SEC22C: variants seen among roughly 807,000 people sequenced by gnomAD.
SEC22C encodes the protein SEC22 homolog C, vesicle trafficking protein, also known as vesicle-trafficking protein SEC22c.
In SEC22C, 29 loss-of-function variants were observed where a neutral mutation model predicts 34.7. That is an observed-to-expected ratio of 0.84 (90% CI 0.62 to 1.14). The LOEUF (loss-of-function observed/expected upper bound fraction) is 1.14, where lower values mean the gene tolerates loss of function less well. Among genes scored for constraint, SEC22C ranks in the 50% most tolerant of loss-of-function variants. The probability of loss-of-function intolerance (pLI) is 0.00; values close to 1 mark genes in which losing one functional copy is unlikely to be tolerated. For synonymous variants in SEC22C, 117 were observed against 132.8 expected, an observed-to-expected ratio of 0.88 and a Z score of 0.82; for missense variants, 337 against 369.0, an observed-to-expected ratio of 0.91 and a Z score of 0.71.
At chr3:42,575,918 T>C (rs545840305) in intron 1 of SEC22C, among the ~76,000 whole-genome samples, 104 of 152,276 alleles carry the variant, frequency 6.8e-4, no homozygotes, top group African/African-American at 2.3e-3. Flanking sequence ...GACAGGAGTT[T>C]AAGTCAAGAA....
Position 42,548,821 on chromosome 3 carries a change from C to T in SEC22C, c.*4427G>A. The T allele has an allele frequency of 2.1e-6, 3 of 1,435,414 alleles. No individual in the cohort carries two copies. Among genetic ancestry groups the T allele is most frequent in the South Asian group, 3.0e-5 (2 of 67,106 alleles). 88.9% of individuals were successfully genotyped at this position (1,435,414 alleles called of 1,614,324 possible). ...TTTTTGTAAAGGCCAGAAGAAATGG[C>T]TGTGCTGTGCTGCCTGAAGCAGAAA... On this transcript the variant is annotated 3_prime_UTR_variant, in exon 7 of 7. Coordinates refer to ENST00000264454, the MANE Select transcript of SEC22C (RefSeq NM_032970.4).
chr3:42,579,607 C>CAAAAAAAAAAA (rs1279147159), intron 1 of SEC22C: 1 of 85,768 alleles, frequency 1.2e-5, no homozygotes, highest in Non-Finnish European at 2.7e-5. Context: ...TCTCAAAAAA[C>CAAAAAAAAAAA]AAAAAAAAAA....
rs1469831070 is a variant in SEC22C, at chr3:42,563,898, T to C, written c.183-212A>G. 7 of 1,448,270 alleles carry C rather than the reference T, an allele frequency of 4.8e-6. No homozygotes were observed. The Admixed American group carries it at 1.5e-4, about 30-fold the overall frequency. The allele number at this position is 1,448,270 out of a possible 1,614,324, so 89.7% of individuals were successfully genotyped here. On this transcript the variant is annotated intron_variant, in intron 2 of 6. Transcript: ENST00000264454. ...TAAAATGTCTAGTAGTCTTAATCAA[T>C]GACAGCCTGTGATCACTCTTATTTA...
At chr3:42,562,789 G>A (rs929497542) in intron 3 of SEC22C, among the ~76,000 whole-genome samples, 5 of 152,188 alleles carry the variant, frequency 3.3e-5, no homozygotes, top group African/African-American at 1.2e-4. Flanking sequence ...ATTATGCTGT[G>A]TTCCAAAGTC....
intron 1 of SEC22C, chr3:42,591,263 A>C (rs1704828048): frequency 1.8e-6 from 1 of 564,660 alleles, no homozygotes. Context: ...GCAGTGGTGC[A>C]TCTTGGCTCA....
chr3:42,590,883 C>T (rs767398659), intron 1 of SEC22C: 2 of 1,549,172 alleles, frequency 1.3e-6, no homozygotes, highest in East Asian at 2.6e-5. Context: ...GTCGTGGTTC[C>T]GGAGGTTCCT....
At chr3:42,560,172 TTATATATAATATATATATTATATATATAA>T (rs1204132909) in intron 4 of SEC22C, among the ~76,000 whole-genome samples, 1 of 145,482 alleles carries the variant, frequency 6.9e-6, no homozygotes, top group Non-Finnish European at 1.5e-5. Flanking sequence ...TATATATATT[TTATATATAATATATATATTATATATATAA>T]TATATATAAT....
At chr3:42,571,808 T>C (rs1358360461) in intron 1 of SEC22C, among the ~76,000 whole-genome samples, 1 of 152,198 alleles carries the variant, frequency 6.6e-6, no homozygotes, top group African/African-American at 2.4e-5. Context: ...GGACATTATA[T>C]ATAAAATAAA....
chr3:42,577,915 C>T (rs759128160), intron 1 of SEC22C, among the ~76,000 whole-genome samples: 8 of 151,672 alleles, frequency 5.3e-5, no homozygotes, highest in South Asian at 4.2e-4. Flanking sequence ...GGTTGCAGTG[C>T]GCCAAGACTG....
intron 1 of SEC22C, among the ~76,000 whole-genome samples, chr3:42,594,088 T>A (rs1340252240): frequency 6.6e-6 from 1 of 152,200 alleles, no homozygotes; most frequent in Non-Finnish European, 1.5e-5. Flanking sequence ...AGGTTTTGAA[T>A]AGACATATAA....
At chr3:42,590,598 A>G (rs1228414861) in intron 1 of SEC22C, among the ~76,000 whole-genome samples, 2 of 151,692 alleles carry the variant, frequency 1.3e-5, no homozygotes, top group Non-Finnish European at 2.9e-5. Context: ...AAAAAAAAAA[A>G]GCATGCACAG....
intron 1 of SEC22C, among the ~76,000 whole-genome samples, chr3:42,588,039 C>G (rs372225487): frequency 8.5e-4 from 129 of 151,882 alleles, no homozygotes; most frequent in African/African-American, 3.0e-3. Flanking sequence ...CACCATTGCA[C>G]TCCAGCCTGG....
At position 42,555,341 on chromosome 3, in the gene SEC22C, C is replaced by T. The variant is rs188378822; in HGVS notation, c.711+589G>A. 3.4e-3 allele frequency among the ~76,000 whole-genome samples: 467 copies of T among 138,106 alleles called. 1 individual carries two copies. Among genetic ancestry groups the T allele is most frequent in the African/African-American group, 0.012 (430 of 34,482 alleles). 90.6% of individuals were successfully genotyped at this position (138,106 alleles called of 152,430 possible). ...CAGCCTGGGCAACAGTGCAAGACTCCGTCTCAAAAAAAAAAAAGAAAAAAA... is the reference window on the plus strand; with the variant it reads ...CAGCCTGGGCAACAGTGCAAGACTCTGTCTCAAAAAAAAAAAAGAAAAAAA... On this transcript the variant is annotated intron_variant, in intron 6 of 6. Transcript: ENST00000264454.
chr3:42,579,279 A>G (rs762488959), intron 1 of SEC22C, among the ~76,000 whole-genome samples: 2 of 151,398 alleles, frequency 1.3e-5, no homozygotes, highest in African/African-American at 2.4e-5. Flanking sequence ...CTCCATCTCA[A>G]AACAAAACAA....
chr3:42,600,714 T>C (rs1705295730), intron 1 of SEC22C: 1 of 267,164 alleles, frequency 3.7e-6, no homozygotes, highest in African/African-American at 2.2e-5. Flanking sequence ...GCGTTGGGGT[T>C]TGGCTGCAGT....
At chr3:42,565,586 T>C (rs1250163691) in intron 2 of SEC22C, among the ~76,000 whole-genome samples, 1 of 152,108 alleles carries the variant, frequency 6.6e-6, no homozygotes, top group Non-Finnish European at 1.5e-5. Context: ...ATGATCAGTA[T>C]CCTTATATGA....
Position 42,553,008 on chromosome 3 carries a change from C to G in SEC22C, c.*240G>C. ...TGGATGAGCCCCCAGATCCAGCTGT[C>G]CTAGGTAAACGTGCTGAACTGGCTG... On this transcript the variant is annotated 3_prime_UTR_variant, in exon 7 of 7. Transcript: ENST00000264454. The G allele has an allele frequency of 7.4e-7, 1 of 1,347,758 alleles. No individual in the cohort carries two copies. Among genetic ancestry groups the G allele is most frequent in the Non-Finnish European group, 9.5e-7 (1 of 1,050,862 alleles). 83.5% of individuals were successfully genotyped at this position (1,347,758 alleles called of 1,614,324 possible).
rs1577286937 is a variant in SEC22C at position 42,553,074 on chromosome 3, T to C, written c.*174A>G. The C allele has an allele frequency of 7.0e-7, 1 of 1,435,538 alleles. No homozygotes were observed. The highest frequency in any genetic ancestry group is 1.4e-5 in the African/African-American group (1 of 69,788). The allele number at this position is 1,435,538 out of a possible 1,614,324, so 88.9% of individuals were successfully genotyped here. On this transcript the variant is annotated 3_prime_UTR_variant, in exon 7 of 7. Transcript: ENST00000264454. ...TGCTTGGCACAGAACCAAGGCTGGG[T>C]ATCAAGCAACCTCATGACTTCCACT...
intron 1 of SEC22C, among the ~76,000 whole-genome samples, chr3:42,596,237 G>A (rs1705025795): frequency 6.6e-6 from 1 of 152,062 alleles, no homozygotes; most frequent in Non-Finnish European, 1.5e-5. Context: ...GGTCAGGCTG[G>A]TCTCGTACTC....
Sources: gnomAD v4.1 joint callset for allele counts (sites outside exome capture counted in the v4.1 genomes callset) on GRCh38, gnomAD v4.1.1 for gene constraint, MANE v1.5 for transcripts, NCBI Gene and HGNC (gene_info 2026-07-23, HGNC 2026-07-21) for gene names.